MSI2: variants seen among roughly 807,000 people sequenced by gnomAD.
MSI2 encodes the protein musashi RNA binding protein 2.
Under a neutral mutation model 45.6 loss-of-function variants are expected in MSI2, and 17 were observed. That is an observed-to-expected ratio of 0.37 (90% CI 0.26 to 0.56). MSI2 has a LOEUF of 0.56. Among genes scored for constraint, MSI2 ranks in the 20% least tolerant of loss-of-function variants. The pLI is 0.77. For missense variants in MSI2, 293 were observed against 444.2 expected, an observed-to-expected ratio of 0.66 and a Z score of 3.06; for synonymous variants, 156 against 158.2, an observed-to-expected ratio of 0.99 and a Z score of 0.11.
intron 10 of MSI2, among the ~76,000 whole-genome samples, chr17:57,647,839 A>C (rs904301050): frequency 2.0e-5 from 3 of 151,876 alleles, no homozygotes; most frequent in Non-Finnish European, 4.4e-5. Flanking sequence ...ACAGGGTTTC[A>C]CTATGTTGGC....
intron 5 of MSI2, among the ~76,000 whole-genome samples, chr17:57,271,312 G>A (rs940656848): frequency 6.6e-6 from 1 of 152,178 alleles, no homozygotes; most frequent in East Asian, 1.9e-4. Flanking sequence ...TATGGCAGGG[G>A]AGGATTTATA....
intron 6 of MSI2, among the ~76,000 whole-genome samples, chr17:57,405,909 C>G (rs2084073121): frequency 6.6e-6 from 1 of 152,162 alleles, no homozygotes; most frequent in African/African-American, 2.4e-5. Flanking sequence ...GGTGGTGAGG[C>G]TGATGTTGAG....
At chr17:57,437,100 G>A (rs968362455) in intron 6 of MSI2, among the ~76,000 whole-genome samples, 1 of 152,234 alleles carries the variant, frequency 6.6e-6, no homozygotes, top group Non-Finnish European at 1.5e-5. Context: ...TCCTGATGAG[G>A]AGGGAATTTC....
intron 7 of MSI2, among the ~76,000 whole-genome samples, chr17:57,593,943 T>C (rs1905060836): frequency 6.6e-6 from 1 of 152,238 alleles, no homozygotes; most frequent in South Asian, 2.1e-4. Flanking sequence ...CATTGCCTTG[T>C]TGATCTCCAC....
chr17:57,537,511 A>G (rs1386166850), intron 7 of MSI2, among the ~76,000 whole-genome samples: 1 of 152,280 alleles, frequency 6.6e-6, no homozygotes, highest in Non-Finnish European at 1.5e-5. Flanking sequence ...ATAACCAATT[A>G]AAAGGGTAGG....
chr17:57,468,389 C>T lies in MSI2; in HGVS notation c.406-61287C>T, dbSNP rs535507140. On this transcript the variant is annotated intron_variant, in intron 6 of 13. Transcript: ENST00000284073. Reference sequence around the variant, plus strand: ...AAAAAAAATTAGCCGGGTGTGGTGGCGGGCGCCTGTAGTCCCAGCTGCTCA... The same window carrying T: ...AAAAAAAATTAGCCGGGTGTGGTGGTGGGCGCCTGTAGTCCCAGCTGCTCA... Among the ~76,000 whole-genome samples the T allele has an allele frequency of 3.3e-5, 5 of 151,708 alleles. No homozygotes were observed. The East Asian group carries it at 5.9e-4, about 18-fold the overall frequency.
At chr17:57,555,050 G>A (rs1269577816) in intron 7 of MSI2, among the ~76,000 whole-genome samples, 1 of 152,236 alleles carries the variant, frequency 6.6e-6, no homozygotes, top group East Asian at 1.9e-4. Flanking sequence ...TCCTGTGGGT[G>A]AGAAGTAGGG....
rs185212739 is a variant in MSI2 at position 57,668,859 on chromosome 17, A to G, written c.791-6113A>G. 1.3e-4 allele frequency among the ~76,000 whole-genome samples: 20 copies of G among 152,248 alleles called. No individual in the cohort carries two copies. In the East Asian group the frequency reaches 3.3e-3, roughly 25 times the overall value. On this transcript the variant is annotated intron_variant, in intron 11 of 13. Coordinates refer to ENST00000284073, the MANE Select transcript of MSI2 (RefSeq NM_138962.4). ...ATTTCAGCAGAGCTTTAAAAACTAC[A>G]TTGTGTATAAAATTGATTGTCCCTG...
Position 57,384,338 on chromosome 17 carries a change from T to G in MSI2, c.313-17041T>G, listed in dbSNP as rs532323418. Among the ~76,000 whole-genome samples, 3 of 152,306 alleles carry G rather than the reference T, an allele frequency of 2.0e-5. No homozygotes were observed. In the South Asian group the frequency reaches 6.2e-4, roughly 32 times the overall value. On this transcript the variant is annotated intron_variant, in intron 5 of 13. Transcript: ENST00000284073. ...CTGAAGGCTTGTTCACTCATATGTC[T>G]GGCTCCTGAACTGGGATGATTCAAA...
chr17:57,342,837 A>T (rs1915281286), intron 5 of MSI2, among the ~76,000 whole-genome samples: 1 of 152,240 alleles, frequency 6.6e-6, no homozygotes. Flanking sequence ...CAGCTGTTTT[A>T]AATTTTAATG....
chr17:57,606,075 A>T (rs1906540346), intron 8 of MSI2, among the ~76,000 whole-genome samples: 1 of 152,222 alleles, frequency 6.6e-6, no homozygotes, highest in Admixed American at 6.5e-5. Flanking sequence ...GAAAGCAGGG[A>T]GATGGGACCT....
At chr17:57,545,466 C>T (rs1288651918) in intron 7 of MSI2, among the ~76,000 whole-genome samples, 3 of 152,206 alleles carry the variant, frequency 2.0e-5, no homozygotes, top group Admixed American at 1.3e-4. Context: ...GTTCCAGACA[C>T]ATCAGAGCAG....
At chr17:57,621,593 C>T (rs1253367356) in intron 9 of MSI2, among the ~76,000 whole-genome samples, 1 of 152,146 alleles carries the variant, frequency 6.6e-6, no homozygotes, top group Non-Finnish European at 1.5e-5. Flanking sequence ...GCAAATGACT[C>T]GAACACTGTG....
intron 5 of MSI2, among the ~76,000 whole-genome samples, chr17:57,360,003 G>A (rs572669372): frequency 2.0e-5 from 3 of 152,280 alleles, no homozygotes; most frequent in African/African-American, 7.2e-5. Flanking sequence ...GGTGTCCCAG[G>A]GTTTGGCACC....
intron 12 of MSI2, among the ~76,000 whole-genome samples, chr17:57,675,587 TGGGAAATG>T (rs1913172010): frequency 6.6e-6 from 1 of 152,126 alleles, no homozygotes; most frequent in Non-Finnish European, 1.5e-5. Flanking sequence ...ACCTGAGAGC[TGGGAAATG>T]TCCCAGCTCC....
chr17:57,259,243 A>C (rs991210437), intron 4 of MSI2, among the ~76,000 whole-genome samples: 3 of 152,024 alleles, frequency 2.0e-5, no homozygotes, highest in African/African-American at 7.2e-5. Flanking sequence ...AGGCCTTAAG[A>C]TGACATTGGG....
intron 11 of MSI2, among the ~76,000 whole-genome samples, chr17:57,658,512 T>C (rs570309274): frequency 4.1e-4 from 63 of 152,360 alleles, no homozygotes; most frequent in African/African-American, 1.2e-3. Flanking sequence ...TGCCCGCTGC[T>C]GACCTCAGCT....
chr17:57,632,509 C>T (rs998935920), intron 10 of MSI2: 9 of 1,066,704 alleles, frequency 8.4e-6, no homozygotes, highest in East Asian at 4.9e-5. Flanking sequence ...CAGTGGGCCC[C>T]GCCTTCCCCA....
chr17:57,608,307 A>G (rs563606142), intron 8 of MSI2: 33 of 152,586 alleles, frequency 2.2e-4, no homozygotes, highest in Admixed American at 2.2e-3. Context: ...AAGAAGAGCA[A>G]CAGGATGGAA....
Sources: allele counts gnomAD v4.1 joint callset (sites outside exome capture counted in the v4.1 genomes callset), GRCh38; gene constraint gnomAD v4.1.1; transcripts MANE v1.5; gene names NCBI Gene and HGNC (gene_info 2026-07-23, HGNC 2026-07-21).